The following ZNF675 variants were observed in gnomAD, a reference collection of about 807,000 sequenced individuals.
ZNF675 encodes the protein TRAF6 inhibitory zinc finger.
ZNF675 carries 36 observed loss-of-function variants against 56.1 expected under a neutral mutation model. The ratio of observed to expected loss-of-function variants is 0.64; its 90% CI spans 0.49 to 0.85. The LOEUF is 0.85. Among genes scored for constraint, ZNF675 ranks in the 40% least tolerant of loss-of-function variants. ZNF675 has a pLI of 0.00. For synonymous variants in ZNF675, 200 were observed against 218.9 expected (o/e 0.91, Z 0.76); for missense variants, 663 against 654.2 (o/e 1.01, Z -0.15).
chr19:23,685,559 G>T (rs1968432659), intron 1 of ZNF675, among the ~76,000 whole-genome samples: 1 of 152,158 alleles, frequency 6.6e-6, no homozygotes, highest in African/African-American at 2.4e-5. Flanking sequence ...CTATCTCTGT[G>T]CCTAGAGAAG....
Position 23,654,214 on chromosome 19 carries a change from A to C in ZNF675, c.719T>G (p.Phe240Cys), listed in dbSNP as rs746537073. ...CQECDRTFNQ[F>C]SNLTEYKKDY... ...TTTTTTATATTCAGTAAGGTTTGAG[A>C]ATTGGTTAAAAGTTCTGTCACATTC... The change falls in exon 4 of 4, where the codon TTC (phenylalanine) becomes TGC (cysteine). Residue 240 changes from phenylalanine to cysteine, a missense_variant. Phe to Cys is a radical substitution (Grantham distance 205). Transcript: ENST00000359788. 6.2e-7 allele frequency: 1 copy of C among 1,613,958 alleles called. No individual in the cohort carries two copies. Among genetic ancestry groups the C allele is most frequent in the South Asian group, 1.1e-5 (1 of 91,074 alleles).
Position 23,653,372 on chromosome 19 carries a change from A to T in ZNF675, c.1561T>A (p.Ser521Thr). 6.2e-7 allele frequency: 1 copy of T among 1,613,632 alleles called. No individual in the cohort carries two copies. The highest frequency in any genetic ancestry group is 8.5e-7 in the Non-Finnish European group (1 of 1,179,982). ...ATTATCTTATGTTCAGTAAGTTTTG[A>T]GGATCGGCTAAAAGCTTTGCCACAT... is the stretch of plus-strand genomic sequence containing the variant. ...EECGKAFSRS[S>T]KLTEHKIIHT... Residue 521 changes from serine to threonine, a missense_variant, in exon 4 of 4, where the codon TCA (serine) becomes ACA (threonine). By Grantham distance (58) the Ser-to-Thr change is moderately conservative. This residue lies in a region of ZNF675 where 617 missense variants were observed against 590.5 expected (regional missense o/e 1.04). Transcript: ENST00000359788.
chr19:23,667,003 A>G (rs1238802520), intron 1 of ZNF675, among the ~76,000 whole-genome samples: 8 of 152,256 alleles, frequency 5.3e-5, no homozygotes, highest in South Asian at 4.2e-4. Flanking sequence ...GACTTCAACA[A>G]TGAAGCCGCG....
chr19:23,654,597 C>A lies in ZNF675; in HGVS notation c.336G>T (p.Gln112His), dbSNP rs1447568949. The A allele has an allele frequency of 3.1e-6, 5 of 1,611,536 alleles. No individual in the cohort carries two copies. The highest frequency in any genetic ancestry group is 4.2e-6 in the Non-Finnish European group (5 of 1,178,866). Residue 112 changes from glutamine to histidine, a missense_variant, in exon 4 of 4, where the codon CAG becomes CAT. This residue lies in a region of ZNF675 where 617 missense variants were observed against 590.5 expected (regional missense o/e 1.04). Transcript: ENST00000359788. ...RYEKCGNDNF[Q>H]LKGCKSVDEC... Reference sequence around the variant, plus strand: ...CATCCACACTTTTACAGCCTTTTAACTGAAAATTATCATTTCCACATTTTT... The same window carrying A: ...CATCCACACTTTTACAGCCTTTTAAATGAAAATTATCATTTCCACATTTTT...
intron 3 of ZNF675, chr19:23,661,818 CA>C (rs1303475233): frequency 4.0e-4 from 88 of 218,898 alleles, no homozygotes; most frequent in East Asian, 5.9e-4. Context: ...TCTGTGCCTC[CA>C]AAAAAAATGA....
chr19:23,683,121 G>A (rs1036678589), intron 1 of ZNF675, among the ~76,000 whole-genome samples: 15 of 151,328 alleles, frequency 9.9e-5, no homozygotes, highest in Middle Eastern at 3.4e-3. Flanking sequence ...TCTGGGAGGC[G>A]GAAGGTTGCA....
chr19:23,655,238 A>C (rs79097197), intron 3 of ZNF675: 12 of 145,930 alleles, frequency 8.2e-5, no homozygotes, highest in African/African-American at 3.1e-4. Context: ...CTCTGTCTCA[A>C]AAAAAAAAAA....
At position 23,654,100 on chromosome 19, in the gene ZNF675, T is replaced by A. The variant is rs1967949048; in HGVS notation, c.833A>T (p.His278Leu). ...SSHLTTHKII[H>L]TGEKPYKCEE... ...ACATTTGTAGGGTTTCTCTCCTGTA[T>A]GAATTATCTTATGTGTAGTAAGGTG... The change falls in exon 4 of 4, where the codon CAT (histidine) becomes CTT (leucine). Residue 278 changes from histidine to leucine, a missense_variant. Physicochemically the swap from His to Leu is moderately conservative, Grantham distance 99. Coordinates refer to ENST00000359788, the MANE Select transcript of ZNF675 (RefSeq NM_138330.3). 1 of 1,613,948 alleles carries A rather than the reference T, an allele frequency of 6.2e-7. No homozygotes were observed. The highest frequency in any genetic ancestry group is 8.5e-7 in the Non-Finnish European group (1 of 1,180,016).
chr19:23,658,835 A>C (rs1224100869), intron 3 of ZNF675, among the ~76,000 whole-genome samples: 1 of 144,832 alleles, frequency 6.9e-6, no homozygotes, highest in African/African-American at 2.6e-5. Context: ...CTCTATAGAT[A>C]TATAGATATA....
intron 1 of ZNF675, among the ~76,000 whole-genome samples, chr19:23,664,522 T>C (rs1192156892): frequency 6.6e-6 from 1 of 152,164 alleles, no homozygotes; most frequent in Non-Finnish European, 1.5e-5. Context: ...CGGACCACAC[T>C]TTCCTGTCAC....
intron 3 of ZNF675, among the ~76,000 whole-genome samples, chr19:23,661,079 GCCA>G (rs1372024510): frequency 6.6e-6 from 1 of 151,940 alleles, no homozygotes; most frequent in Non-Finnish European, 1.5e-5. Context: ...ACAGATGTGT[GCCA>G]CCACACCTGG....
At chr19:23,662,580 T>A (rs1268612841) in intron 2 of ZNF675, among the ~76,000 whole-genome samples, 1 of 152,212 alleles carries the variant, frequency 6.6e-6, no homozygotes, top group Non-Finnish European at 1.5e-5. Context: ...AGACAAATCC[T>A]TAAGATTTTC....
chr19:23,666,916 G>T (rs1211606673), intron 1 of ZNF675, among the ~76,000 whole-genome samples: 1 of 148,644 alleles, frequency 6.7e-6, no homozygotes, highest in Non-Finnish European at 1.5e-5. Context: ...CCTTTCGTCT[G>T]TTTGTTTTTC....
intron 1 of ZNF675, among the ~76,000 whole-genome samples, chr19:23,663,992 A>G (rs1005964095): frequency 3.3e-5 from 5 of 152,332 alleles, no homozygotes; most frequent in African/African-American, 1.2e-4. Context: ...ATGGCATATA[A>G]GAAGTCATGA....
chr19:23,660,837 T>C (rs1345604766), intron 3 of ZNF675, among the ~76,000 whole-genome samples: 1 of 152,084 alleles, frequency 6.6e-6, no homozygotes, highest in African/African-American at 2.4e-5. Context: ...AAAATATAAT[T>C]CTAAAATTTA....
intron 1 of ZNF675, among the ~76,000 whole-genome samples, chr19:23,679,930 T>C (rs529895942): frequency 3.3e-5 from 5 of 150,640 alleles, no homozygotes; most frequent in Admixed American, 6.6e-5. Context: ...GCAGAGGTTG[T>C]GGTGAGCCGA....
At chr19:23,658,231 C>A (rs1460097019) in intron 3 of ZNF675, among the ~76,000 whole-genome samples, 1 of 151,610 alleles carries the variant, frequency 6.6e-6, no homozygotes, top group East Asian at 2.0e-4. Flanking sequence ...TGTGGTGGCG[C>A]ACACCTGTAA....
At chr19:23,677,706 CAAAA>C (rs34806137) in intron 1 of ZNF675, among the ~76,000 whole-genome samples, 35 of 80,710 alleles carry the variant, frequency 4.3e-4, no homozygotes, top group Middle Eastern at 6.8e-3. Context: ...GACTCCGTCT[CAAAA>C]AAAAAAAAAA....
Position 23,679,998 on chromosome 19 carries a change from A to C in ZNF675, c.3+7033T>G, listed in dbSNP as rs1462976680. 8.1e-5 allele frequency among the ~76,000 whole-genome samples: 12 copies of C among 147,968 alleles called. 1 individual carries two copies. Among genetic ancestry groups the C allele is most frequent in the East Asian group, 7.9e-4 (4 of 5,082 alleles). On this transcript the variant is annotated intron_variant, in intron 1 of 3. Coordinates refer to ENST00000359788, the MANE Select transcript of ZNF675 (RefSeq NM_138330.3). ...AGAGCGAGACTCCGTACCCCCCCCC[A>C]AAAAAAAACATTAATAAAAACAAAA...
Sources: gnomAD v4.1 joint callset for allele counts (sites outside exome capture counted in the v4.1 genomes callset) on GRCh38, gnomAD v4.1.1 for gene constraint, gnomAD v4.1.1 regional missense constraint, MANE v1.5 for transcripts, NCBI Gene and HGNC (gene_info 2026-07-23, HGNC 2026-07-21) for gene names.